TLCD4: variants seen among roughly 807,000 people sequenced by gnomAD.
TLCD4 encodes the protein TLC domain containing 4.
A neutral mutation model predicts 24.2 loss-of-function variants in TLCD4; 7 were observed. That is an observed-to-expected ratio of 0.29 (90% CI 0.16 to 0.54). The LOEUF (loss-of-function observed/expected upper bound fraction) is 0.54, where lower values mean the gene tolerates loss of function less well. Among genes scored for constraint, TLCD4 ranks in the 20% least tolerant of loss-of-function variants. The pLI, the probability that TLCD4 is intolerant of heterozygous loss-of-function variation, is 0.95. For missense variants in TLCD4, 259 were observed against 313.9 expected (o/e 0.82, Z 1.32); for synonymous variants, 103 against 106.4 (o/e 0.97, Z 0.20).
At position 95,192,364 on chromosome 1, in the gene TLCD4, CT is replaced by C. The variant is rs1679056332; in HGVS notation, c.*499del. 6.6e-6 allele frequency: 1 copy of C among 152,270 alleles called. No homozygotes were observed. Among genetic ancestry groups the C allele is most frequent in the African/African-American group, 2.4e-5 (1 of 41,306 alleles). The allele number at this position is 152,270 out of a possible 1,614,324, so 9.4% of individuals were successfully genotyped here. On this transcript the variant is annotated 3_prime_UTR_variant, in exon 7 of 7. Transcript: ENST00000370203. ...TTTCATCCCAAGATGTCTTTTCTGC[CT>C]TTCTTTTGCCTTATTTACAAGCATG...
chr1:95,117,955 G>A (rs936600888), intron 1 of TLCD4: 12 of 152,252 alleles, frequency 7.9e-5, no homozygotes, highest in African/African-American at 2.9e-4. Flanking sequence ...GCGTTTCTCG[G>A]GCTGCACGAT....
chr1:95,117,951 C>G (rs995906739), intron 1 of TLCD4: 66 of 152,370 alleles, frequency 4.3e-4, no homozygotes, highest in African/African-American at 1.5e-3. Flanking sequence ...TCTCGCGTTT[C>G]TCGGGCTGCA....
chr1:95,150,097 T>C (rs1363058626), intron 3 of TLCD4, 111 bp from the exon 4 acceptor site: 9 of 1,380,766 alleles, frequency 6.5e-6, no homozygotes, highest in Middle Eastern at 4.9e-4. Context: ...CAGCTTACCA[T>C]TTGAGAATCT....
At chr1:95,117,830 G>T (rs1345821648) in intron 1 of TLCD4, 1 of 151,160 alleles carries the variant, frequency 6.6e-6, no homozygotes, top group South Asian at 2.1e-4. Flanking sequence ...TCCGGCAGGT[G>T]TGTGCGGAAG....
In TLCD4 at chr1:95,184,020, T is replaced by A. The variant is rs536794280; in HGVS notation, c.474-7530T>A. Among the ~76,000 whole-genome samples, 171 of 152,288 alleles carry A rather than the reference T, an allele frequency of 1.1e-3. 1 individual carries two copies. Among genetic ancestry groups the A allele is most frequent in the African/African-American group, 4.0e-3 (166 of 41,546 alleles). Reference sequence around the variant, plus strand: ...AATTCCTAACCTTCCAGGGTTAATGTTTATTAAATACAAATGTTTACATGC... The same window carrying A: ...AATTCCTAACCTTCCAGGGTTAATGATTATTAAATACAAATGTTTACATGC... On this transcript the variant is annotated intron_variant, in intron 6 of 6. Coordinates refer to ENST00000370203, the MANE Select transcript of TLCD4 (RefSeq NM_152487.3).
the TLCD4 span, among the ~76,000 whole-genome samples, chr1:95,110,951 C>A: frequency 1.3e-5 from 2 of 148,910 alleles, no homozygotes; most frequent in Non-Finnish European, 1.5e-5. Context: ...TTTATAAAAT[C>A]TAAAAATATC....
chr1:95,115,706 C>T (rs528785272), upstream of TLCD4, among the ~76,000 whole-genome samples: 1 of 152,202 alleles, frequency 6.6e-6, no homozygotes, highest in South Asian at 2.1e-4. Context: ...GTTTACCTGG[C>T]TTTGGTTACT....
At chr1:95,110,722 C>A in the TLCD4 span, among the ~76,000 whole-genome samples, 1 of 151,828 alleles carries the variant, frequency 6.6e-6, no homozygotes, top group African/African-American at 2.4e-5. Context: ...CACTCTGTCT[C>A]TACAAAAAAT....
chr1:95,161,325 C>T (rs1182324126), intron 5 of TLCD4, among the ~76,000 whole-genome samples: 2 of 152,100 alleles, frequency 1.3e-5, no homozygotes, highest in Non-Finnish European at 2.9e-5. Context: ...TGGTAGTTTG[C>T]ATGTCTGTGG....
At chr1:95,101,650 A>G in the TLCD4 span, among the ~76,000 whole-genome samples, 1 of 152,162 alleles carries the variant, frequency 6.6e-6, no homozygotes, top group Non-Finnish European at 1.5e-5. Flanking sequence ...TCTTTTTAAC[A>G]TGACTCCAGT....
intron 5 of TLCD4, among the ~76,000 whole-genome samples, chr1:95,167,906 C>A (rs1030151944): frequency 6.6e-6 from 1 of 152,138 alleles, no homozygotes; most frequent in Non-Finnish European, 1.5e-5. Flanking sequence ...TTGCAGCCTC[C>A]ATACTTAGTG....
intron 1 of TLCD4, among the ~76,000 whole-genome samples, chr1:95,131,769 A>G (rs1490239970): frequency 6.6e-6 from 1 of 152,234 alleles, no homozygotes; most frequent in African/African-American, 2.4e-5. Flanking sequence ...TGGCTGTCAG[A>G]TCTGAATGTA....
intron 2 of TLCD4, among the ~76,000 whole-genome samples, chr1:95,144,268 A>C (rs1450174357): frequency 6.6e-6 from 1 of 152,236 alleles, no homozygotes; most frequent in Non-Finnish European, 1.5e-5. Context: ...AATTTACTTA[A>C]GTTTCTGAGG....
intron 5 of TLCD4, among the ~76,000 whole-genome samples, chr1:95,154,858 G>A (rs1677589574): frequency 6.8e-6 from 1 of 147,698 alleles, no homozygotes; most frequent in African/African-American, 2.5e-5. Flanking sequence ...AGAGTCTCAA[G>A]CACAATTGAA....
chr1:95,160,262 G>A (rs1677750087), intron 5 of TLCD4, among the ~76,000 whole-genome samples: 2 of 152,118 alleles, frequency 1.3e-5, no homozygotes, highest in Non-Finnish European at 2.9e-5. Flanking sequence ...TATTATCTTT[G>A]TAGCAATAGT....
intron 6 of TLCD4, among the ~76,000 whole-genome samples, chr1:95,188,911 C>T (rs1235535374): frequency 1.3e-5 from 2 of 152,136 alleles, no homozygotes; most frequent in African/African-American, 2.4e-5. Context: ...GTTACTGAGG[C>T]ATCATTGTTT....
In TLCD4 at chr1:95,144,003, T is replaced by G; in HGVS notation, c.102T>G (p.Val34=). ...TAAGTTACTGGTTTTCAGCAAAAGT[T>G]TCTCCAGGTTTCAATAGTCTCAGCT... ...YFVSYWFSAK[V]SPGFNSLSFK... is the part of the protein sequence containing the mutation. Residue 34 remains valine, a synonymous_variant, in exon 2 of 7, where the codon GTT becomes GTG. Transcript: ENST00000370203. 1 of 1,572,426 alleles carries G rather than the reference T, an allele frequency of 6.4e-7. No homozygotes were observed. Among genetic ancestry groups the G allele is most frequent in the Non-Finnish European group, 8.6e-7 (1 of 1,160,346 alleles).
chr1:95,141,455 A>G (rs1333875922), intron 1 of TLCD4, among the ~76,000 whole-genome samples: 1 of 152,156 alleles, frequency 6.6e-6, no homozygotes, highest in Non-Finnish European at 1.5e-5. Flanking sequence ...TCTTCAGGGG[A>G]AACCTCCTCA....
chr1:95,163,716 C>T (rs1029715017), intron 5 of TLCD4: 1 of 152,290 alleles, frequency 6.6e-6, no homozygotes, highest in Non-Finnish European at 1.5e-5. Context: ...TGTTAGTTTT[C>T]CTTCTAACAG....
Sources: gnomAD v4.1 joint callset for allele counts (sites outside exome capture counted in the v4.1 genomes callset) on GRCh38, gnomAD v4.1.1 for gene constraint, MANE v1.5 for transcripts, NCBI Gene and HGNC (gene_info 2026-07-23, HGNC 2026-07-21) for gene names.